The following TNS1 variants were observed in gnomAD, a reference collection of about 807,000 sequenced individuals.
The protein encoded by TNS1 is tensin 1.
TNS1 carries 62 observed loss-of-function variants against 168.6 expected under a neutral mutation model. That is an observed-to-expected ratio of 0.37 (90% CI 0.30 to 0.45). The LOEUF (loss-of-function observed/expected upper bound fraction) is 0.45. TNS1 is among the 20% of genes least tolerant of loss of function. TNS1 has a pLI of 1.00. For missense variants in TNS1, 2,240 were observed against 2,339.4 expected, an observed-to-expected ratio of 0.96 and a Z score of 0.88; for synonymous variants, 934 against 933.2, an observed-to-expected ratio of 1.00 and a Z score of -0.02.
At chr2:217,974,993 C>T (rs1394055623) in intron 3 of TNS1, among the ~76,000 whole-genome samples, 6 of 152,184 alleles carry the variant, frequency 3.9e-5, no homozygotes, top group Admixed American at 2.0e-4. Flanking sequence ...GTAGAAATAA[C>T]AGTGTGTCTT....
intron 3 of TNS1, chr2:217,944,059 C>CT (rs1957038224): frequency 6.6e-6 from 1 of 152,320 alleles, no homozygotes. Context: ...AGGGCCACTG[C>CT]TGGGAGCAAC....
In TNS1 at chr2:217,880,995, G is replaced by A. The variant is rs781253765; in HGVS notation, c.1332C>T (p.Asn444=). Residue 444 remains asparagine (N), a synonymous_variant, in exon 18 of 33, where the codon AAC becomes AAT. Coordinates refer to ENST00000682258, the MANE Select transcript of TNS1 (RefSeq NM_001387777.1). This position sits in a 1 kb window ranked among gnomAD's most constrained non-coding sequence, Gnocchi z 4.2. ...EKIQGMEHLE[N]GPSVSVDYNT... Reference sequence around the variant, plus strand: ...TATAGTCCACAGACACGCTCGGCCCGTTCTCCAGGTGCTCCATGCCTAAGT... The same window carrying A: ...TATAGTCCACAGACACGCTCGGCCCATTCTCCAGGTGCTCCATGCCTAAGT... 23 of 1,613,958 alleles carry A rather than the reference G, an allele frequency of 1.4e-5. No homozygotes were observed. Among genetic ancestry groups the A allele is most frequent in the South Asian group, 3.3e-5 (3 of 91,064 alleles).
At chr2:217,982,860 G>C (rs1958090663) in intron 2 of TNS1, among the ~76,000 whole-genome samples, 1 of 152,102 alleles carries the variant, frequency 6.6e-6, no homozygotes. Context: ...TTGCTGCTTG[G>C]TGCCTGCAAA....
intron 4 of TNS1, among the ~76,000 whole-genome samples, chr2:217,914,939 T>C (rs796671705): frequency 2.2e-4 from 34 of 152,374 alleles, no homozygotes; most frequent in African/African-American, 7.5e-4. Flanking sequence ...ACTCCCATTC[T>C]GTGCCCGTCC....
chr2:217,934,111 G>A (rs1001340839), intron 3 of TNS1, among the ~76,000 whole-genome samples: 1 of 152,194 alleles, frequency 6.6e-6, no homozygotes, highest in African/African-American at 2.4e-5. Flanking sequence ...TGTTGGCCAA[G>A]GTCACACAGC....
In TNS1 at chr2:217,800,439, C is replaced by T. The variant is rs1242072901; in HGVS notation, c.*4020G>A. The T allele has an allele frequency of 3.3e-5, 5 of 152,270 alleles. No individual in the cohort carries two copies. Among genetic ancestry groups the T allele is most frequent in the African/African-American group, 7.2e-5 (3 of 41,442 alleles). The allele number at this position is 152,270 out of a possible 1,614,324, so 9.4% of individuals were successfully genotyped here. ...TGGTTGGCCTACAGGCCTCACCTCCCGACTCCCCTCACTGCTGGGCGACAT... is the reference window on the plus strand; with the variant it reads ...TGGTTGGCCTACAGGCCTCACCTCCTGACTCCCCTCACTGCTGGGCGACAT... On this transcript the variant is annotated 3_prime_UTR_variant, in exon 33 of 33. Transcript: ENST00000682258.
At position 217,886,066 on chromosome 2, in the gene TNS1, G is replaced by C; in HGVS notation, c.1018C>G (p.Pro340Ala). ...TACTAGATGCCAGATGTGTACACAG[G>C]TTGCATGGCCTGGTAGATGCGGAGA... The part of the protein sequence containing the change: ...PFLRIYQAMQ[P>A]VYTSGIYNIP... The change falls in exon 14 of 33, where the codon CCT becomes GCT. Residue 340 changes from proline (P) to alanine (A), a missense_variant. This residue lies in a region of TNS1 where 2,131 missense variants were observed against 2,171.2 expected (regional missense o/e 0.98). Coordinates refer to ENST00000682258, the MANE Select transcript of TNS1 (RefSeq NM_001387777.1). 6.2e-7 allele frequency: 1 copy of C among 1,614,090 alleles called. No homozygotes were observed.
chr2:217,813,402 G>T lies in TNS1; in HGVS notation c.4862-95C>A. The T allele has an allele frequency of 9.0e-7, 1 of 1,109,598 alleles. No individual in the cohort carries two copies. Among genetic ancestry groups the T allele is most frequent in the Non-Finnish European group, 1.3e-6 (1 of 750,070 alleles). 68.7% of individuals were successfully genotyped at this position (1,109,598 alleles called of 1,614,324 possible). The stretch of plus-strand genomic sequence containing the variant: ...CTTCAAAACTTCCGCAGTGTGCGGG[G>T]CCAAGATGGGAGAAATGACTGAAGA... On this transcript the variant is annotated intron_variant, in intron 26 of 32. Transcript: ENST00000682258. The surrounding 1 kb of genome is among the most constrained non-coding windows in gnomAD (Gnocchi z 4.0).
At chr2:217,836,712 C>A (rs551704909) in intron 19 of TNS1, among the ~76,000 whole-genome samples, 52 of 152,318 alleles carry the variant, frequency 3.4e-4, no homozygotes, top group African/African-American at 1.3e-3. Flanking sequence ...GTTACGAAGT[C>A]CCCAGCCCCA....
chr2:218,014,433 G>C (rs1369482335), upstream of TNS1, among the ~76,000 whole-genome samples: 43 of 152,120 alleles, frequency 2.8e-4, no homozygotes, highest in Admixed American at 2.8e-3. Flanking sequence ...CCACACCAGG[G>C]ATGGATTTCA....
intron 8 of TNS1, 83 bp from the exon 9 acceptor site, chr2:217,895,139 C>G: frequency 7.3e-7 from 1 of 1,370,026 alleles, no homozygotes; most frequent in Non-Finnish European, 1.0e-6. Flanking sequence ...GCCTGCTGGT[C>G]CCAGAAAGGA....
Position 217,848,441 on chromosome 2 carries a change from C to T in TNS1, c.2076G>A (p.Ala692=), listed in dbSNP as rs776422314. 19 of 1,611,364 alleles carry T rather than the reference C, an allele frequency of 1.2e-5. No individual in the cohort carries two copies. Among genetic ancestry groups the T allele is most frequent in the South Asian group, 5.5e-5 (5 of 90,690 alleles). Residue 692 remains alanine (A), a synonymous_variant, in exon 19 of 33, where the codon GCG becomes GCA. Transcript: ENST00000682258. ...CCGTGTGGCCAGCATGGGCAGGCCCCGCCCGGCTGGCAGACTCGTAGGGGT... is the reference window on the plus strand; with the variant it reads ...CCGTGTGGCCAGCATGGGCAGGCCCTGCCCGGCTGGCAGACTCGTAGGGGT... ...GGYPYESASR[A]GPAHAGHTAP...
chr2:218,029,505 C>T (rs935891622), intron 1 of TNS1, among the ~76,000 whole-genome samples: 17 of 152,234 alleles, frequency 1.1e-4, no homozygotes, highest in Middle Eastern at 3.2e-3. Context: ...AGAAATGACT[C>T]GAACGCCTGT....
At chr2:217,824,644 A>G (rs1456975177) in intron 22 of TNS1, among the ~76,000 whole-genome samples, 1 of 152,140 alleles carries the variant, frequency 6.6e-6, no homozygotes, top group Non-Finnish European at 1.5e-5. Flanking sequence ...AGTCTTGGGC[A>G]ACTGGTAACC....
intron 2 of TNS1, among the ~76,000 whole-genome samples, chr2:217,987,714 A>G (rs1003933740): frequency 5.3e-5 from 8 of 152,208 alleles, no homozygotes; most frequent in Non-Finnish European, 8.8e-5. Context: ...AGAGCCACTC[A>G]TCAAGAGAGT....
intron 3 of TNS1, chr2:217,936,902 A>T (rs1375235642): frequency 2.2e-6 from 1 of 455,460 alleles, no homozygotes; most frequent in African/African-American, 2.0e-5. Context: ...CCTATTTTAC[A>T]GATGCAGACA....
Position 217,818,458 on chromosome 2 carries a change from T to A in TNS1, c.3874A>T (p.Asn1292Tyr), listed in dbSNP as rs769307871. 2 of 1,614,168 alleles carry A rather than the reference T, an allele frequency of 1.2e-6. No homozygotes were observed. Among genetic ancestry groups the A allele is most frequent in the South Asian group, 1.1e-5 (1 of 91,074 alleles). The change falls in exon 24 of 33, where the codon AAC (asparagine) becomes TAC (tyrosine). Residue 1292 changes from asparagine to tyrosine, a missense_variant. Coordinates refer to ENST00000682258, the MANE Select transcript of TNS1 (RefSeq NM_001387777.1). ...CCGAAGCCAGGACTAGGGGGAGTGT[T>A]GGTGCCCACTGTTCTGTGGCGCGCC... is the stretch of plus-strand genomic sequence containing the variant. ...PQARHRTVGT[N>Y]TPPSPGFGWR... is the part of the protein sequence containing the mutation.
At chr2:217,866,448 C>T (rs915354395) in intron 18 of TNS1, among the ~76,000 whole-genome samples, 1 of 152,132 alleles carries the variant, frequency 6.6e-6, no homozygotes, top group Admixed American at 6.5e-5. Flanking sequence ...AGGCTCCAAA[C>T]TTGTCTGAGG....
intron 3 of TNS1, among the ~76,000 whole-genome samples, chr2:217,970,769 C>T (rs10203112): frequency 1.3e-5 from 2 of 151,972 alleles, no homozygotes; most frequent in Non-Finnish European, 1.5e-5. Context: ...GGTTTCTTTC[C>T]GAGCTGCTGA....
Sources: allele counts gnomAD v4.1 joint callset (sites outside exome capture counted in the v4.1 genomes callset), GRCh38; gene constraint gnomAD v4.1.1; regional missense constraint gnomAD v4.1.1; non-coding constraint Gnocchi (gnomAD v3.1); transcripts MANE v1.5; gene names NCBI Gene and HGNC (gene_info 2026-07-23, HGNC 2026-07-21).